The following CTNND2 variants were observed in gnomAD, a reference collection of about 807,000 sequenced individuals.
The protein encoded by CTNND2 is catenin delta-2.
In CTNND2, 22 loss-of-function variants were observed where a neutral mutation model predicts 144.4. The ratio of observed to expected loss-of-function variants is 0.15; its 90% CI spans 0.11 to 0.22. The LOEUF (loss-of-function observed/expected upper bound fraction) is 0.22. Ranked by LOEUF, CTNND2 falls within the 10% of genes least tolerant of loss-of-function variation. The pLI is 1.00. For synonymous variants in CTNND2, 751 were observed against 695.6 expected (o/e 1.08, Z -1.25); for missense variants, 1,353 against 1,618.8 (o/e 0.84, Z 2.82).
At chr5:11,686,057 T>G (rs772486213) in intron 2 of CTNND2, among the ~76,000 whole-genome samples, 1 of 151,862 alleles carries the variant, frequency 6.6e-6, no homozygotes, top group Non-Finnish European at 1.5e-5. Flanking sequence ...AATATAAAAA[T>G]TAGCTGGGTA....
intron 2 of CTNND2, among the ~76,000 whole-genome samples, chr5:11,613,822 A>C (rs1392798276): frequency 2.0e-5 from 3 of 152,178 alleles, no homozygotes; most frequent in Admixed American, 1.3e-4. Flanking sequence ...TCTGTAGCTT[A>C]ATATCACCCT....
At chr5:11,388,201 C>A (rs1379639814) in intron 6 of CTNND2, among the ~76,000 whole-genome samples, 1 of 152,160 alleles carries the variant, frequency 6.6e-6, no homozygotes, top group Admixed American at 6.5e-5. Flanking sequence ...CCACTGTGTA[C>A]TAAAATGCAC....
intron 2 of CTNND2, among the ~76,000 whole-genome samples, chr5:11,642,296 A>T (rs1201515427): frequency 1.3e-5 from 2 of 152,192 alleles, no homozygotes; most frequent in Non-Finnish European, 2.9e-5. Context: ...GAGGCAGAAC[A>T]TAAATAATAT....
At chr5:11,179,562 A>G (rs1437797683) in intron 11 of CTNND2, among the ~76,000 whole-genome samples, 1 of 152,104 alleles carries the variant, frequency 6.6e-6, no homozygotes, top group Non-Finnish European at 1.5e-5. Flanking sequence ...ACATTCTATA[A>G]TGTCTCCATT....
chr5:11,090,977 C>T (rs1348630593), intron 15 of CTNND2, among the ~76,000 whole-genome samples: 1 of 151,766 alleles, frequency 6.6e-6, no homozygotes, highest in Non-Finnish European at 1.5e-5. Context: ...TTTTGATGCA[C>T]CTTGGTTTTA....
chr5:11,832,932 C>A (rs964808353), intron 1 of CTNND2, among the ~76,000 whole-genome samples: 2 of 151,928 alleles, frequency 1.3e-5, no homozygotes, highest in South Asian at 2.1e-4. Flanking sequence ...CAGAGTGAGA[C>A]CCTGTCTCTA....
At chr5:11,344,186 C>T (rs529034051) in intron 9 of CTNND2, among the ~76,000 whole-genome samples, 5 of 151,610 alleles carry the variant, frequency 3.3e-5, no homozygotes, top group Admixed American at 6.6e-5. Context: ...GGGTGGATCA[C>T]GAGGTCAGGA....
chr5:11,384,254 A>G lies in CTNND2; in HGVS notation c.1177+411T>C, dbSNP rs1329200746. Among the ~76,000 whole-genome samples, 1 of 152,238 alleles carries G rather than the reference A, an allele frequency of 6.6e-6. No homozygotes were observed. The highest frequency in any genetic ancestry group is 1.5e-5 in the Non-Finnish European group (1 of 68,036). On this transcript the variant is annotated intron_variant, in intron 7 of 21. Transcript: ENST00000304623. This position sits in a 1 kb window ranked among gnomAD's most constrained non-coding sequence, Gnocchi z 5.2. ...TTTGAGAAAATCCCTTACTTTTTCC[A>G]CAATGAAATGTAGACAACTAAAGGT...
chr5:11,856,550 A>C (rs936107854), intron 1 of CTNND2, among the ~76,000 whole-genome samples: 1 of 152,206 alleles, frequency 6.6e-6, no homozygotes, highest in Non-Finnish European at 1.5e-5. Context: ...AACTGTCCAG[A>C]AAAGAGAGGT....
Position 11,340,494 on chromosome 5 carries a change from G to A in CTNND2, c.1628+5878C>T, listed in dbSNP as rs374262399. On this transcript the variant is annotated intron_variant, in intron 9 of 21. Transcript: ENST00000304623. The stretch of plus-strand genomic sequence containing the variant: ...ATGTACCTGGATACAACCTCGCTGA[G>A]GACACATATGTCTGATTTTCCCATT... Among the ~76,000 whole-genome samples, 98 of 152,142 alleles carry A rather than the reference G, an allele frequency of 6.4e-4. 1 individual carries two copies. The highest frequency in any genetic ancestry group is 2.1e-3 in the African/African-American group (88 of 41,494).
At chr5:11,495,373 C>T (rs968070722) in intron 3 of CTNND2, among the ~76,000 whole-genome samples, 7 of 150,156 alleles carry the variant, frequency 4.7e-5, no homozygotes, top group African/African-American at 1.7e-4. Flanking sequence ...TCTTCTATCC[C>T]CTTTAAAATA....
At chr5:11,804,009 A>T (rs1207151795) in intron 1 of CTNND2, among the ~76,000 whole-genome samples, 3 of 152,038 alleles carry the variant, frequency 2.0e-5, no homozygotes, top group African/African-American at 7.2e-5. Flanking sequence ...TGTTCTGAGG[A>T]CTCCTATGAG....
At chr5:11,785,405 A>C (rs894132408) in intron 1 of CTNND2, among the ~76,000 whole-genome samples, 1 of 152,204 alleles carries the variant, frequency 6.6e-6, no homozygotes, top group African/African-American at 2.4e-5. Context: ...TAACCATATA[A>C]AAACACTTTT....
intron 11 of CTNND2, among the ~76,000 whole-genome samples, chr5:11,194,983 A>G (rs970463663): frequency 1.3e-5 from 2 of 152,230 alleles, no homozygotes; most frequent in African/African-American, 4.8e-5. Context: ...TATGATAAAA[A>G]GGCAAAGGGC....
At chr5:11,849,159 C>T (rs1794895018) in intron 1 of CTNND2, among the ~76,000 whole-genome samples, 1 of 152,134 alleles carries the variant, frequency 6.6e-6, no homozygotes, top group Non-Finnish European at 1.5e-5. Context: ...ACAAAAGGCA[C>T]ATCTTACAAC....
intron 12 of CTNND2, among the ~76,000 whole-genome samples, chr5:11,138,925 A>G (rs1393102604): frequency 2.0e-5 from 3 of 152,182 alleles, no homozygotes; most frequent in Non-Finnish European, 4.4e-5. Context: ...CTCCCCAAGA[A>G]GCTGGCACTG....
chr5:11,218,305 G>T (rs1034021925), intron 10 of CTNND2, among the ~76,000 whole-genome samples: 11 of 152,048 alleles, frequency 7.2e-5, no homozygotes, highest in Non-Finnish European at 1.5e-4. Context: ...CTCCAGAATT[G>T]ACAAGCCAGC....
chr5:11,570,672 C>T (rs567533317), intron 2 of CTNND2, among the ~76,000 whole-genome samples: 105 of 151,710 alleles, frequency 6.9e-4, no homozygotes, highest in Middle Eastern at 3.4e-3. Flanking sequence ...TCTGCTTTCA[C>T]TTTCTCCCAG....
intron 18 of CTNND2, among the ~76,000 whole-genome samples, chr5:11,017,583 CATATAT>C (rs767090186): frequency 8.8e-5 from 12 of 135,682 alleles, no homozygotes; most frequent in South Asian, 7.2e-4. Context: ...TATATCTTTC[CATATAT>C]ATATATATCT....
Sources: gnomAD v4.1 joint callset for allele counts (sites outside exome capture counted in the v4.1 genomes callset) on GRCh38, gnomAD v4.1.1 for gene constraint, Gnocchi (gnomAD v3.1) non-coding constraint, MANE v1.5 for transcripts, NCBI Gene and HGNC (gene_info 2026-07-23, HGNC 2026-07-21) for gene names.